POLR2F: variants seen among roughly 807,000 people sequenced by gnomAD.
The protein encoded by POLR2F is RNA polymerase II, I and III subunit F.
In POLR2F, 12 loss-of-function variants were observed where a neutral mutation model predicts 22.7. The ratio of observed to expected loss-of-function variants is 0.53; its 90% CI spans 0.34 to 0.86. The LOEUF is 0.86. Among genes scored for constraint, POLR2F ranks in the 40% least tolerant of loss-of-function variants. The pLI, the probability that POLR2F is intolerant of heterozygous loss-of-function variation, is 0.02. For missense variants in POLR2F, 126 were observed against 171.5 expected (o/e 0.73, Z 1.48); for synonymous variants, 57 against 66.0 (o/e 0.86, Z 0.66).
intron 3 of POLR2F, among the ~76,000 whole-genome samples, chr22:37,965,815 G>A (rs748740676): frequency 3.3e-5 from 5 of 152,306 alleles, no homozygotes; most frequent in Non-Finnish European, 1.5e-5. Context: ...ATTCTATTCC[G>A]GGGGTCTGGG....
In POLR2F at chr22:38,033,975, C is replaced by T. The variant is rs548675262; in HGVS notation, c.453-7093C>T. On this transcript the variant is annotated intron_variant, in intron 5 of 5. Transcript: ENST00000407936. ...TCTGGGAGTCAAGAGAGGTTGTGAC[C>T]GCCGCTGACCCCTATTCCCTGCACC... Among the ~76,000 whole-genome samples the T allele has an allele frequency of 2.6e-5, 4 of 152,248 alleles. No homozygotes were observed. In the East Asian group the frequency reaches 5.8e-4, roughly 22 times the overall value.
downstream of POLR2F, chr22:37,972,187 G>A: frequency 9.3e-6 from 11 of 1,178,800 alleles, no homozygotes; most frequent in Non-Finnish European, 1.3e-5. Flanking sequence ...GGAGGTGGGA[G>A]AGAGAGACCT....
chr22:37,971,193 G>A (rs1456662897), downstream of POLR2F: 1 of 469,564 alleles, frequency 2.1e-6, no homozygotes, highest in Non-Finnish European at 4.4e-6. Context: ...CCACAGGCAG[G>A]TGGAGGGGAT....
At chr22:37,964,005 G>A (rs1440533641) in intron 3 of POLR2F, among the ~76,000 whole-genome samples, 1 of 152,034 alleles carries the variant, frequency 6.6e-6, no homozygotes, top group Non-Finnish European at 1.5e-5. Context: ...GGGAGGCTGA[G>A]GCAAGAGAAT....
At chr22:37,953,952 A>G (rs888314634) in intron 1 of POLR2F, 145 bp downstream of exon 1, 3 of 990,800 alleles carry the variant, frequency 3.0e-6, no homozygotes, top group Non-Finnish European at 4.4e-6. Context: ...CGAGGAAGGG[A>G]AGGGCGGGCG....
At chr22:38,009,804 C>A (rs529605126) in intron 1 of POLR2F, among the ~76,000 whole-genome samples, 4 of 152,268 alleles carry the variant, frequency 2.6e-5, no homozygotes, top group Admixed American at 2.6e-4. Flanking sequence ...TTCTGTCACT[C>A]AGCATAATTG....
chr22:37,956,725 AT>A (rs764819811), intron 1 of POLR2F, 47 bp from the exon 2 acceptor site: 2 of 1,499,008 alleles, frequency 1.3e-6, no homozygotes, highest in African/African-American at 2.8e-5. Context: ...CCCCTCTTTG[AT>A]TCTTTTAAGT....
intron 1 of POLR2F, among the ~76,000 whole-genome samples, chr22:37,992,589 G>A (rs1480238090): frequency 6.6e-6 from 1 of 152,104 alleles, no homozygotes; most frequent in Non-Finnish European, 1.5e-5. Flanking sequence ...GAGACGGATG[G>A]GGTTTCACCA....
chr22:38,025,730 C>A, intron 1 of POLR2F: 1 of 1,526,966 alleles, frequency 6.5e-7, no homozygotes, highest in Non-Finnish European at 8.8e-7. Context: ...TAAACTGAGC[C>A]CAGGTTGCTG....
chr22:37,983,517 T>TGGGCAC, upstream of POLR2F: 1 of 1,610,670 alleles, frequency 6.2e-7, no homozygotes, highest in Non-Finnish European at 8.5e-7. This position sits in a 1 kb window ranked among gnomAD's most constrained non-coding sequence, Gnocchi z 9.5. Context: ...CGCACGGGCA[T>TGGGCAC]GGGCACCAGC....
At chr22:37,981,440 G>T (rs772344762), upstream of POLR2F, among the ~76,000 whole-genome samples, 13 of 152,220 alleles carry the variant, frequency 8.5e-5, no homozygotes, top group Non-Finnish European at 1.8e-4. Flanking sequence ...CCACACCTCA[G>T]GCTGGCCCCT....
chr22:37,986,489 C>G lies in POLR2F; in HGVS notation c.120+177C>G. 7.2e-7 allele frequency: 1 copy of G among 1,391,890 alleles called. No homozygotes were observed. Among genetic ancestry groups the G allele is most frequent in the Non-Finnish European group, 9.8e-7 (1 of 1,016,246 alleles). The allele number at this position is 1,391,890 out of a possible 1,614,324, so 86.2% of individuals were successfully genotyped here. A position where few individuals can be genotyped will look rare whatever the true frequency, so the allele number is the denominator to read the frequency against. ...GTGGGGTCCCACAGCTGCCCCCTCT[C>G]TAACTCCCTGCTTCCTCCTTTGCCC... is the stretch of plus-strand genomic sequence containing the variant. On this transcript the variant is annotated intron_variant, in intron 1 of 2. Coordinates refer to the POLR2F transcript ENST00000333418. The surrounding 1 kb of genome is among the most constrained non-coding windows in gnomAD (Gnocchi z 4.7).
rs1932582391 is a variant in POLR2F at position 37,986,469 on chromosome 22, G to A, written c.120+157G>A. On this transcript the variant is annotated intron_variant, in intron 1 of 2. Transcript: ENST00000333418. This position sits in a 1 kb window ranked among gnomAD's most constrained non-coding sequence, Gnocchi z 4.7. Reference sequence around the variant, plus strand: ...CCAGAGTTAGGAGGTGGAATGTGGGGTCCCACAGCTGCCCCCTCTCTAACT... The same window carrying A: ...CCAGAGTTAGGAGGTGGAATGTGGGATCCCACAGCTGCCCCCTCTCTAACT... 3 of 1,469,576 alleles carry A rather than the reference G, an allele frequency of 2.0e-6. No homozygotes were observed. Among genetic ancestry groups the A allele is most frequent in the Non-Finnish European group, 2.8e-6 (3 of 1,087,826 alleles). 91.0% of individuals were successfully genotyped at this position (1,469,576 alleles called of 1,614,324 possible).
rs780847851 is a variant in POLR2F at position 37,967,373 on chromosome 22, G to A, written c.293+203G>A. 1,188 of 1,442,284 alleles carry A rather than the reference G, an allele frequency of 8.2e-4. 1 individual carries two copies. The highest frequency in any genetic ancestry group is 9.9e-4 in the Non-Finnish European group (1,093 of 1,104,330). The allele number at this position is 1,442,284 out of a possible 1,614,324, so 89.3% of individuals were successfully genotyped here. On this transcript the variant is annotated intron_variant, in intron 4 of 4. Coordinates refer to ENST00000442738, the MANE Select transcript of POLR2F (RefSeq NM_021974.5). ...GGGAGGGCACTGATGAGACATGGAC[G>A]TCTTCTGGCTGTTGGAATTTCCCTG...
At chr22:38,023,208 G>A (rs983925614) in intron 1 of POLR2F, among the ~76,000 whole-genome samples, 1 of 152,118 alleles carries the variant, frequency 6.6e-6, no homozygotes, top group Admixed American at 6.6e-5. Flanking sequence ...GTCTGGCAGG[G>A]GACCTAGTCA....
intron 5 of POLR2F, among the ~76,000 whole-genome samples, chr22:38,040,117 G>T (rs1054842679): frequency 4.6e-5 from 7 of 151,568 alleles, no homozygotes; most frequent in South Asian, 2.1e-4. Flanking sequence ...TCTACAAAAA[G>T]ATTAAAAAAT....
chr22:38,014,798 ATTTTTGTAT>A (rs2084902105), intron 1 of POLR2F, among the ~76,000 whole-genome samples: 1 of 115,178 alleles, frequency 8.7e-6, no homozygotes, highest in Admixed American at 9.8e-5. Flanking sequence ...CTGTATTTGT[ATTTTTGTAT>A]TTTTTTTTTT....
intron 3 of POLR2F, among the ~76,000 whole-genome samples, chr22:37,961,006 G>A (rs1262105270): frequency 4.0e-5 from 6 of 150,844 alleles, no homozygotes; most frequent in African/African-American, 7.3e-5. Context: ...CCACCACAAC[G>A]CCTGGCTAAT....
chr22:38,019,675 G>A (rs939129372), intron 1 of POLR2F, among the ~76,000 whole-genome samples: 8 of 152,218 alleles, frequency 5.3e-5, no homozygotes, highest in Admixed American at 2.6e-4. Flanking sequence ...CCCTCCTCAC[G>A]TGGGCGGGGC....
Sources: gnomAD v4.1 joint callset for allele counts (sites outside exome capture counted in the v4.1 genomes callset) on GRCh38, gnomAD v4.1.1 for gene constraint, Gnocchi (gnomAD v3.1) non-coding constraint, MANE v1.5 for transcripts, NCBI Gene and HGNC (gene_info 2026-07-23, HGNC 2026-07-21) for gene names.